The following PKIB variants were observed in gnomAD, a reference collection of about 807,000 sequenced individuals.
PKIB encodes cAMP-dependent protein kinase inhibitor beta.
A neutral mutation model predicts 4.5 loss-of-function variants in PKIB; 2 were observed. The observed-to-expected ratio is 0.44, with a 90% CI of 0.18 to 1.39. The LOEUF (loss-of-function observed/expected upper bound fraction) is 1.39. PKIB is among the 40% of genes most tolerant of loss of function. The probability of loss-of-function intolerance (pLI) is 0.27; values close to 1 mark genes in which losing one functional copy is unlikely to be tolerated. For synonymous variants in PKIB, 38 were observed against 36.0 expected, an observed-to-expected ratio of 1.06 and a Z score of -0.20; for missense variants, 94 against 92.6, an observed-to-expected ratio of 1.02 and a Z score of -0.06.
chr6:122,669,289 C>G (rs1047451694), intron 2 of PKIB, among the ~76,000 whole-genome samples: 7 of 151,962 alleles, frequency 4.6e-5, no homozygotes, highest in African/African-American at 9.7e-5. Context: ...GTAATTAATG[C>G]CTTTCTATTT....
At chr6:122,645,033 T>C (rs1236284084) in intron 2 of PKIB, among the ~76,000 whole-genome samples, 1 of 152,366 alleles carries the variant, frequency 6.6e-6, no homozygotes, top group East Asian at 1.9e-4. Context: ...TCTTTATAAC[T>C]GTGCTATTAG....
intron 2 of PKIB, among the ~76,000 whole-genome samples, chr6:122,636,914 G>C (rs1220375015): frequency 6.6e-6 from 1 of 152,132 alleles, no homozygotes; most frequent in Non-Finnish European, 1.5e-5. Flanking sequence ...CAAAGCACAT[G>C]TAAAAGTAAT....
chr6:122,683,309 G>T (rs1210188820), intron 3 of PKIB, among the ~76,000 whole-genome samples: 1 of 152,094 alleles, frequency 6.6e-6, no homozygotes, highest in Non-Finnish European at 1.5e-5. Flanking sequence ...TTCCAATCAT[G>T]GTAGAAGGCA....
At chr6:122,635,254 C>G (rs886747769) in intron 2 of PKIB, among the ~76,000 whole-genome samples, 1 of 152,072 alleles carries the variant, frequency 6.6e-6, no homozygotes, top group Admixed American at 6.5e-5. Context: ...TCCTGTGATA[C>G]AAGCATACCT....
At chr6:122,526,574 A>C (rs148976367) in intron 2 of PKIB, among the ~76,000 whole-genome samples, 2 of 152,230 alleles carry the variant, frequency 1.3e-5, no homozygotes, top group East Asian at 1.9e-4. Flanking sequence ...ATGAACAGTA[A>C]TATTTTAAAA....
At chr6:122,538,560 C>T (rs1777481105) in intron 2 of PKIB, among the ~76,000 whole-genome samples, 1 of 152,120 alleles carries the variant, frequency 6.6e-6, no homozygotes, top group East Asian at 1.9e-4. Context: ...GTACCAGTAC[C>T]ATGCTGTTTT....
intron 2 of PKIB, among the ~76,000 whole-genome samples, chr6:122,556,314 T>C (rs558930318): frequency 7.9e-5 from 12 of 152,304 alleles, no homozygotes; most frequent in East Asian, 5.8e-4. Flanking sequence ...CCTTTATGAA[T>C]TAGCCAGTCT....
chr6:122,682,131 CACTA>C (rs1196739780), intron 3 of PKIB, among the ~76,000 whole-genome samples: 2 of 151,988 alleles, frequency 1.3e-5, no homozygotes, highest in African/African-American at 4.8e-5. Context: ...ATTAGATAAA[CACTA>C]ACTTTTTTTT....
chr6:122,627,039 C>A (rs535916189), intron 1 of PKIB, among the ~76,000 whole-genome samples: 2 of 146,942 alleles, frequency 1.4e-5, no homozygotes, highest in African/African-American at 5.0e-5. Context: ...TTGAGACCAT[C>A]CTGGTTAACA....
intron 2 of PKIB, among the ~76,000 whole-genome samples, chr6:122,489,699 TC>T (rs1442326832): frequency 6.6e-6 from 1 of 152,254 alleles, no homozygotes; most frequent in African/African-American, 2.4e-5. Flanking sequence ...AAAAGCTTTC[TC>T]CTTTCCTGTT....
intron 2 of PKIB, among the ~76,000 whole-genome samples, chr6:122,545,969 G>T (rs1184971108): frequency 1.3e-5 from 2 of 151,702 alleles, no homozygotes; most frequent in Non-Finnish European, 2.9e-5. Flanking sequence ...CTCCCTGGGT[G>T]CCCAGGTATA....
intron 3 of PKIB, among the ~76,000 whole-genome samples, chr6:122,590,936 A>G (rs1274525752): frequency 6.6e-6 from 1 of 152,158 alleles, no homozygotes; most frequent in Admixed American, 6.5e-5. Context: ...GTGTCTGCCA[A>G]TGCTAAATCA....
chr6:122,622,583 C>G (rs1409980551), intron 1 of PKIB, among the ~76,000 whole-genome samples: 1 of 152,176 alleles, frequency 6.6e-6, no homozygotes, highest in Non-Finnish European at 1.5e-5. Flanking sequence ...TGGGGGTGCA[C>G]TGGGAACAGC....
chr6:122,563,786 C>T (rs115316831), intron 2 of PKIB, among the ~76,000 whole-genome samples: 6,177 of 152,108 alleles, frequency 0.041, 362 homozygotes, highest in East Asian at 0.14. Context: ...CCATGCAAAC[C>T]GAAGGGTCAG....
intron 2 of PKIB, among the ~76,000 whole-genome samples, chr6:122,563,884 C>G (rs920834795): frequency 6.6e-6 from 1 of 152,194 alleles, no homozygotes; most frequent in Non-Finnish European, 1.5e-5. Context: ...CGCCTCCCAG[C>G]TGTGAGAGAA....
At chr6:122,622,001 A>T (rs1162129281) in intron 1 of PKIB, among the ~76,000 whole-genome samples, 3 of 152,152 alleles carry the variant, frequency 2.0e-5, no homozygotes, top group Non-Finnish European at 4.4e-5. Flanking sequence ...AAGAAGCATG[A>T]CTAATTTAGA....
At chr6:122,529,771 C>T (rs1777200817) in intron 2 of PKIB, among the ~76,000 whole-genome samples, 1 of 152,080 alleles carries the variant, frequency 6.6e-6, no homozygotes, top group East Asian at 1.9e-4. Flanking sequence ...TTCCTTCTAG[C>T]CTGCAAAGTT....
intron 3 of PKIB, among the ~76,000 whole-genome samples, chr6:122,590,530 A>G (rs1232814176): frequency 6.6e-6 from 1 of 152,198 alleles, no homozygotes; most frequent in Non-Finnish European, 1.5e-5. Flanking sequence ...GCTACAGAAG[A>G]GTTACTTTTT....
chr6:122,722,365 A>T (rs9482275), intron 4 of PKIB, among the ~76,000 whole-genome samples: 6,872 of 152,268 alleles, frequency 0.045, 315 homozygotes, highest in African/African-American at 0.12. Flanking sequence ...TGAGCAAGAT[A>T]CTAGATTGAC....
Sources: allele counts gnomAD v4.1 joint callset (sites outside exome capture counted in the v4.1 genomes callset), GRCh38; gene constraint gnomAD v4.1.1; transcripts MANE v1.5; gene names NCBI Gene and HGNC (gene_info 2026-07-23, HGNC 2026-07-21).